NAV1: variants seen among roughly 807,000 people sequenced by gnomAD.
The protein encoded by NAV1 is pore membrane and/or filament interacting like protein 3.
A neutral mutation model predicts 175.2 loss-of-function variants in NAV1; 18 were observed. The ratio of observed to expected loss-of-function variants is 0.10; its 90% CI spans 0.07 to 0.15. NAV1 has a LOEUF of 0.15. Among genes scored for constraint, NAV1 ranks in the 10% least tolerant of loss-of-function variants. NAV1 has a pLI of 1.00. For missense variants in NAV1, 1,731 were observed against 2,436.6 expected (o/e 0.71, Z 6.10); for synonymous variants, 897 against 978.7 (o/e 0.92, Z 1.56).
chr1:201,782,132 A>C lies in NAV1; in HGVS notation c.1664-44A>C. The C allele has an allele frequency of 6.7e-7, 1 of 1,500,602 alleles. No individual in the cohort carries two copies. The highest frequency in any genetic ancestry group is 9.0e-7 in the Non-Finnish European group (1 of 1,116,466). The allele number at this position is 1,500,602 out of a possible 1,614,324, so 93.0% of individuals were successfully genotyped here. A position where few individuals can be genotyped will look rare whatever the true frequency, so the allele number is the denominator to read the frequency against. ...AAAGAAAAGGGTGGGTTTTTAAGAT[A>C]CTGGTCAGTTTCAGCTCTTTTCTCA... On this transcript the variant is annotated intron_variant, in intron 5 of 29. Coordinates refer to ENST00000367296, the Ensembl canonical transcript of NAV1. The surrounding 1 kb of genome is among the most constrained non-coding windows in gnomAD (Gnocchi z 5.4).
At chr1:201,702,672 T>TTCCC (rs1365276379) in intron 1 of NAV1, among the ~76,000 whole-genome samples, 5 of 1,728 alleles carry the variant, frequency 2.9e-3, no homozygotes, top group African/African-American at 3.8e-3. Flanking sequence ...GGTATGTGAA[T>TTCCC]TCTCTCTCTC....
chr1:201,688,859 TCTCTATTGAAAAGGA>T (rs1393005532), intron 1 of NAV1, among the ~76,000 whole-genome samples: 2 of 152,182 alleles, frequency 1.3e-5, no homozygotes, highest in African/African-American at 2.4e-5. Context: ...ATAAATTCTG[TCTCTATTGAAAAGGA>T]GGTTGGTTAG....
At chr1:201,665,325 G>A (rs1669778773) in intron 1 of NAV1, among the ~76,000 whole-genome samples, 1 of 152,056 alleles carries the variant, frequency 6.6e-6, no homozygotes, top group Non-Finnish European at 1.5e-5. Flanking sequence ...GAGTTTGCCT[G>A]GGTACAATGT....
chr1:201,780,758 T>C (rs1381299168), intron 4 of NAV1, among the ~76,000 whole-genome samples, 199 bp downstream of exon 8: 1 of 151,544 alleles, frequency 6.6e-6, no homozygotes, highest in African/African-American at 2.4e-5. Context: ...TTAGATGTTG[T>C]CATATTGTGT....
At chr1:201,549,124 T>TTTCTTTCC (rs1557992200) in intron 1 of NAV1, among the ~76,000 whole-genome samples, 1 of 149,616 alleles carries the variant, frequency 6.7e-6, no homozygotes, top group East Asian at 1.9e-4. Context: ...TCTTTCTTTC[T>TTTCTTTCC]TTCTTTCTTT....
chr1:201,793,950 C>A, intron 14 of NAV1, 75 bp downstream of exon 18: 1 of 1,304,486 alleles, frequency 7.7e-7, no homozygotes, highest in Non-Finnish European at 1.1e-6. Context: ...CCGAAGCTGA[C>A]CATCTGTTCT....
At chr1:201,599,206 C>T (rs936381920) in intron 2 of NAV1, among the ~76,000 whole-genome samples, 4 of 152,196 alleles carry the variant, frequency 2.6e-5, no homozygotes, top group Admixed American at 6.5e-5. Flanking sequence ...CTTTGGATCA[C>T]GTGATTCAAG....
At chr1:201,628,138 CA>C (rs5780079) in intron 1 of NAV1, among the ~76,000 whole-genome samples, 17,732 of 95,756 alleles carry the variant, frequency 0.19, 1,477 homozygotes, top group African/African-American at 0.31. Context: ...GACCCTGTGT[CA>C]AAAAAAAAAA....
At chr1:201,655,389 AC>A (rs2102344437) in intron 1 of NAV1, among the ~76,000 whole-genome samples, 1 of 152,212 alleles carries the variant, frequency 6.6e-6, no homozygotes, top group Admixed American at 6.5e-5. Context: ...TGTTTGGATT[AC>A]CCAGATGTGT....
intron 28 of NAV1, among the ~76,000 whole-genome samples, chr1:201,816,456 T>C (rs758029731): frequency 1.2e-4 from 19 of 152,106 alleles, no homozygotes; most frequent in Non-Finnish European, 1.9e-4. Context: ...CATAACATCA[T>C]GTTATACATC....
At chr1:201,756,816 C>CTTTCTTTCTT (rs879555227) in intron 3 of NAV1, among the ~76,000 whole-genome samples, 4,873 of 14,684 alleles carry the variant, frequency 0.33, 361 homozygotes, top group South Asian at 0.44. Context: ...TTCCTTCTTT[C>CTTTCTTTCTT]TTTCTTTCTT....
intron 1 of NAV1, among the ~76,000 whole-genome samples, chr1:201,671,955 T>C (rs1670060563): frequency 6.6e-6 from 1 of 152,232 alleles, no homozygotes; most frequent in Non-Finnish European, 1.5e-5. Flanking sequence ...TCTGCCATCC[T>C]GATCCTCCGC....
At chr1:201,814,530 C>T (rs1167858553) in intron 28 of NAV1, among the ~76,000 whole-genome samples, 1 of 152,008 alleles carries the variant, frequency 6.6e-6, no homozygotes, top group Admixed American at 6.6e-5. Context: ...AATGGCTAGA[C>T]CCATGGGTCA....
At chr1:201,784,660 C>T (rs1429037254) in intron 7 of NAV1, among the ~76,000 whole-genome samples, 1 of 151,664 alleles carries the variant, frequency 6.6e-6, no homozygotes, top group Non-Finnish European at 1.5e-5. Context: ...GCCTCAGCCT[C>T]CCGGGAGCTG....
rs1197309527 is a variant in NAV1 at position 201,812,005 on chromosome 1, G to T, written c.5024+31G>T. On this transcript the variant is annotated intron_variant, in intron 26 of 29. Transcript: ENST00000367296. This position sits in a 1 kb window ranked among gnomAD's most constrained non-coding sequence, Gnocchi z 4.6. ...ACCTCTAGCTCTGGATGAACCTTCT[G>T]ACCCTACCCAAGAGTCTTCAATCCT... 1 of 1,601,904 alleles carries T rather than the reference G, an allele frequency of 6.2e-7. No individual in the cohort carries two copies. Among genetic ancestry groups the T allele is most frequent in the South Asian group, 1.1e-5 (1 of 90,758 alleles).
Position 201,812,703 on chromosome 1 carries a change from C to T in NAV1, c.5221+42C>T, listed in dbSNP as rs1678765667. On this transcript the variant is annotated intron_variant, in intron 27 of 29. Coordinates refer to ENST00000367296, the Ensembl canonical transcript of NAV1. This position sits in a 1 kb window ranked among gnomAD's most constrained non-coding sequence, Gnocchi z 4.6. ...TCCCCCGGGGGTCAGGAGGTGGCTT[C>T]CCTTTTCCACTGTACCACCTGGAGG... 6.4e-7 allele frequency: 1 copy of T among 1,556,594 alleles called. No individual in the cohort carries two copies. The highest frequency in any genetic ancestry group is 2.2e-5 in the East Asian group (1 of 44,506).
chr1:201,770,747 G>A (rs1675520054), intron 3 of NAV1, among the ~76,000 whole-genome samples: 1 of 152,126 alleles, frequency 6.6e-6, no homozygotes, highest in Non-Finnish European at 1.5e-5. Flanking sequence ...GCCATAAGGA[G>A]CCCTAATTAT....
Position 201,810,834 on chromosome 1 carries a change from C to A in NAV1, c.4797+76C>A. On this transcript the variant is annotated intron_variant, in intron 24 of 29. Coordinates refer to ENST00000367296, the Ensembl canonical transcript of NAV1. The surrounding 1 kb of genome is among the most constrained non-coding windows in gnomAD (Gnocchi z 6.0). ...CCTAAGACCCTTCCTCGGCCCCTTC[C>A]TGCCTCATTGTTCCCTTTTCCTCAC... The A allele has an allele frequency of 9.0e-7, 1 of 1,105,784 alleles. No homozygotes were observed. The highest frequency in any genetic ancestry group is 1.5e-5 in the African/African-American group (1 of 65,048). 68.5% of individuals were successfully genotyped at this position (1,105,784 alleles called of 1,614,324 possible). A position where few individuals can be genotyped will look rare whatever the true frequency, so the allele number is the denominator to read the frequency against.
At chr1:201,541,402 G>T (rs1232235570) in intron 1 of NAV1, among the ~76,000 whole-genome samples, 1 of 152,192 alleles carries the variant, frequency 6.6e-6, no homozygotes, top group Non-Finnish European at 1.5e-5. Flanking sequence ...TCATAAAAAT[G>T]TTGATTTGCC....
Sources: allele counts gnomAD v4.1 joint callset (sites outside exome capture counted in the v4.1 genomes callset), GRCh38; gene constraint gnomAD v4.1.1; non-coding constraint Gnocchi (gnomAD v3.1); transcripts MANE v1.5; gene names NCBI Gene and HGNC (gene_info 2026-07-23, HGNC 2026-07-21).